The following ATP6V1H variants were observed in gnomAD, a reference collection of about 807,000 sequenced individuals.
ATP6V1H encodes ATPase H+ transporting V1 subunit H.
ATP6V1H carries 39 observed loss-of-function variants against 71.7 expected under a neutral mutation model. The observed-to-expected ratio is 0.54, with a 90% CI of 0.42 to 0.71. The LOEUF is 0.71. ATP6V1H is among the 30% of genes least tolerant of loss of function. The probability of loss-of-function intolerance (pLI) is 0.00; values close to 1 mark genes in which losing one functional copy is unlikely to be tolerated. For missense variants in ATP6V1H, 509 were observed against 594.9 expected, an observed-to-expected ratio of 0.86 and a Z score of 1.50; for synonymous variants, 192 against 199.3, an observed-to-expected ratio of 0.96 and a Z score of 0.31.
At chr8:53,752,339 C>T (rs1315742350) in intron 12 of ATP6V1H, among the ~76,000 whole-genome samples, 3 of 152,162 alleles carry the variant, frequency 2.0e-5, no homozygotes, top group African/African-American at 7.2e-5. Context: ...ACTCTATTTT[C>T]TTGCTTTTGT....
At chr8:53,758,863 T>G (rs1585754045) in intron 11 of ATP6V1H, among the ~76,000 whole-genome samples, 1 of 152,332 alleles carries the variant, frequency 6.6e-6, no homozygotes, top group Non-Finnish European at 1.5e-5. Flanking sequence ...AATGGCAGAG[T>G]TGAGTAATTT....
intron 12 of ATP6V1H, among the ~76,000 whole-genome samples, chr8:53,756,069 C>CTTTTTTTT (rs199967847): frequency 3.1e-5 from 3 of 96,580 alleles, no homozygotes; most frequent in Non-Finnish European, 6.0e-5. Flanking sequence ...TTTTTCTTTT[C>CTTTTTTTT]TTTTTTTTTT....
At chr8:53,801,381 A>G (rs1276319180) in intron 8 of ATP6V1H, among the ~76,000 whole-genome samples, 1 of 152,250 alleles carries the variant, frequency 6.6e-6, no homozygotes, top group East Asian at 1.9e-4. Flanking sequence ...CTGAACAGGC[A>G]GCTCCTCAAA....
chr8:53,757,411 C>T (rs867536319), intron 11 of ATP6V1H, among the ~76,000 whole-genome samples: 1 of 152,110 alleles, frequency 6.6e-6, no homozygotes, highest in African/African-American at 2.4e-5. Context: ...TGCTCAGAAT[C>T]CAAGGAGCTT....
At chr8:53,803,664 A>T (rs1184644460) in intron 7 of ATP6V1H, among the ~76,000 whole-genome samples, 2 of 152,248 alleles carry the variant, frequency 1.3e-5, no homozygotes, top group African/African-American at 4.8e-5. Flanking sequence ...AGTTCCACAA[A>T]AACACAATAT....
chr8:53,769,686 C>T lies in ATP6V1H; in HGVS notation c.1107G>A (p.Val369=), dbSNP rs867048020. 11 of 1,612,528 alleles carry T rather than the reference C, an allele frequency of 6.8e-6. No individual in the cohort carries two copies. The Middle Eastern group carries it at 1.3e-3, about 194-fold the overall frequency. ...CTCTCCAAAATTTCTCAGATTTGTG[C>T]ACAGGACTCCATTCCAACCTTCCAG... ...LKSGRLEWSP[V]HKSEKFWREN... Residue 369 remains valine, a synonymous_variant, in exon 11 of 14, where the codon GTG becomes GTA. Transcript: ENST00000359530.
rs912767623 is a variant in ATP6V1H at position 53,785,436 on chromosome 8, C to T, written c.870+10211G>A. ...GCATTGGTTATTCTAGTTAGCCATT[C>T]GTCTAATTTTTTTTCAAGGTTTTTA... On this transcript the variant is annotated intron_variant, in intron 9 of 13. Transcript: ENST00000359530. Among the ~76,000 whole-genome samples, 3 of 152,220 alleles carry T rather than the reference C, an allele frequency of 2.0e-5. No individual in the cohort carries two copies. In the East Asian group the frequency reaches 5.8e-4, roughly 29 times the overall value.
intron 12 of ATP6V1H, among the ~76,000 whole-genome samples, chr8:53,746,530 G>T (rs1563446675): frequency 1.3e-5 from 2 of 152,122 alleles, no homozygotes; most frequent in Non-Finnish European, 2.9e-5. Context: ...CTCCCAAAGT[G>T]CTGGGATTAC....
chr8:53,829,383 C>T (rs1161093646), intron 4 of ATP6V1H, 61 bp downstream of exon 4: 12 of 1,006,952 alleles, frequency 1.2e-5, no homozygotes, highest in South Asian at 9.5e-5. Context: ...AAAAATGCTG[C>T]TACTGTGAGG....
At chr8:53,770,250 A>G (rs1439487195) in intron 10 of ATP6V1H, among the ~76,000 whole-genome samples, 2 of 152,186 alleles carry the variant, frequency 1.3e-5, no homozygotes, top group African/African-American at 4.8e-5. Context: ...GATTACAAAG[A>G]GTGTAGACAT....
chr8:53,790,988 T>C (rs762870904), intron 9 of ATP6V1H, among the ~76,000 whole-genome samples: 4 of 152,128 alleles, frequency 2.6e-5, no homozygotes, highest in Non-Finnish European at 5.9e-5. Context: ...CTAGCTCTAT[T>C]TTTGCAAATG....
intron 13 of ATP6V1H, among the ~76,000 whole-genome samples, chr8:53,725,083 T>A (rs548469334): frequency 6.6e-6 from 1 of 152,348 alleles, no homozygotes; most frequent in South Asian, 2.1e-4. Context: ...AAACCTCATG[T>A]TGAAATTTAA....
At chr8:53,790,278 G>A (rs577083510) in intron 9 of ATP6V1H, among the ~76,000 whole-genome samples, 57 of 152,106 alleles carry the variant, frequency 3.7e-4, no homozygotes, top group African/African-American at 1.2e-3. Flanking sequence ...ACACACTTGC[G>A]TTCCAAAAGA....
At chr8:53,803,577 T>C (rs1356163341) in intron 7 of ATP6V1H, among the ~76,000 whole-genome samples, 1 of 152,016 alleles carries the variant, frequency 6.6e-6, no homozygotes, top group African/African-American at 2.4e-5. Flanking sequence ...AACAAAACAA[T>C]ATAAGTACAT....
chr8:53,732,273 G>A (rs1807050871), intron 13 of ATP6V1H, among the ~76,000 whole-genome samples: 3 of 152,084 alleles, frequency 2.0e-5, no homozygotes. Context: ...AAATAAGTTA[G>A]ACAGAAAGTA....
chr8:53,716,230 TGACAAA>T (rs1806419892), intron 13 of ATP6V1H, among the ~76,000 whole-genome samples: 1 of 152,258 alleles, frequency 6.6e-6, no homozygotes, highest in African/African-American at 2.4e-5. Flanking sequence ...AAACAAGTTA[TGACAAA>T]GACAAACTAG....
intron 7 of ATP6V1H, among the ~76,000 whole-genome samples, chr8:53,810,230 T>A (rs1372766481): frequency 6.6e-6 from 1 of 152,206 alleles, no homozygotes; most frequent in East Asian, 1.9e-4. Context: ...TCTGTCTCCG[T>A]TTTCCCTAAC....
intron 12 of ATP6V1H, among the ~76,000 whole-genome samples, chr8:53,744,775 C>T (rs967318872): frequency 2.6e-5 from 4 of 152,198 alleles, no homozygotes; most frequent in Non-Finnish European, 5.9e-5. Flanking sequence ...TAACTGAGTG[C>T]TTACTGCAGG....
Position 53,783,376 on chromosome 8 carries a change from G to A in ATP6V1H, c.871-11209C>T, listed in dbSNP as rs1268966041. ...TGATGGTAGTTTGTATTTCTGTGGG[G>A]TCGGTGGTGATATCACCTTTATCAT... is the stretch of plus-strand genomic sequence containing the variant. On this transcript the variant is annotated intron_variant, in intron 9 of 13. Transcript: ENST00000359530. Among the ~76,000 whole-genome samples, 7 of 152,112 alleles carry A rather than the reference G, an allele frequency of 4.6e-5. No individual in the cohort carries two copies. In the South Asian group the frequency reaches 1.2e-3, roughly 27 times the overall value.
Sources: gnomAD v4.1 joint callset for allele counts (sites outside exome capture counted in the v4.1 genomes callset) on GRCh38, gnomAD v4.1.1 for gene constraint, MANE v1.5 for transcripts, NCBI Gene and HGNC (gene_info 2026-07-23, HGNC 2026-07-21) for gene names.